The following DYNC2LI1 variants were observed in gnomAD, a reference collection of about 807,000 sequenced individuals.
The protein encoded by DYNC2LI1 is cytoplasmic dynein 2 light intermediate chain 1.
DYNC2LI1 carries 45 observed loss-of-function variants against 51.9 expected under a neutral mutation model. That is an observed-to-expected ratio of 0.87 (90% confidence interval 0.68 to 1.11). The LOEUF (loss-of-function observed/expected upper bound fraction) is 1.11. Among genes scored for constraint, DYNC2LI1 ranks in the 50% most tolerant of loss-of-function variants. The pLI, the probability that DYNC2LI1 is intolerant of heterozygous loss-of-function variation, is 0.00. For missense variants in DYNC2LI1, 490 were observed against 417.4 expected, an observed-to-expected ratio of 1.17 and a Z score of -1.51; for synonymous variants, 130 against 137.8, an observed-to-expected ratio of 0.94 and a Z score of 0.40.
At chr2:43,797,870 A>C (rs1342804672) in intron 8 of DYNC2LI1, among the ~76,000 whole-genome samples, 2 of 152,178 alleles carry the variant, frequency 1.3e-5, no homozygotes, top group Non-Finnish European at 2.9e-5. Context: ...TCACACCTGT[A>C]GTCCTAACAC....
At chr2:43,824,520 A>G in the DYNC2LI1 span, 12 of 1,596,460 alleles carry the variant, frequency 7.5e-6, no homozygotes, top group South Asian at 2.2e-5. Context: ...AGTACTGGCC[A>G]TAATACCTCA....
chr2:43,799,784 ATAAAAT>A (rs903150626), intron 8 of DYNC2LI1, among the ~76,000 whole-genome samples: 107 of 152,342 alleles, frequency 7.0e-4, no homozygotes, highest in African/African-American at 2.4e-3. Flanking sequence ...CATAAAGAAA[ATAAAAT>A]TAAACAGAGC....
chr2:43,804,062 T>C (rs1666158728), intron 10 of DYNC2LI1, among the ~76,000 whole-genome samples: 1 of 152,236 alleles, frequency 6.6e-6, no homozygotes, highest in African/African-American at 2.4e-5. Context: ...TCTATATCAT[T>C]TTGGAATTTC....
intron 6 of DYNC2LI1, chr2:43,794,926 T>C: frequency 1.5e-6 from 2 of 1,331,088 alleles, no homozygotes; most frequent in Non-Finnish European, 1.9e-6. Flanking sequence ...ATATTGATTT[T>C]ATAATCTCTG....
rs1204726614 is a variant in DYNC2LI1, at chr2:43,778,908, T to C, written c.126+2009T>C. On this transcript the variant is annotated intron_variant, in intron 2 of 12. Transcript: ENST00000260605. The stretch of plus-strand genomic sequence containing the variant: ...GTAATAAAAGTAATTTTGTTTCTGA[T>C]GATTTGGGAACTCCCTTGATATCTA... Among the ~76,000 whole-genome samples, 5 of 152,340 alleles carry C rather than the reference T, an allele frequency of 3.3e-5. No individual in the cohort carries two copies. In the East Asian group the frequency reaches 7.7e-4, roughly 24 times the overall value.
rs1297293189 is a variant in DYNC2LI1, at chr2:43,809,693, T to C, written c.994-12T>C. ...TTGATTTTTCTTAAAGTGATACATA[T>C]TTTTGTTTTAGGAACTGGAACAGTA... On this transcript the variant is annotated splice_polypyrimidine_tract_variant and intron_variant, in intron 12 of 12. Transcript: ENST00000260605. The C allele has an allele frequency of 1.1e-5, 17 of 1,595,822 alleles. No homozygotes were observed. Among genetic ancestry groups the C allele is most frequent in the Non-Finnish European group, 1.3e-5 (15 of 1,170,018 alleles).
chr2:43,788,800 T>G (rs1054574738), intron 4 of DYNC2LI1, among the ~76,000 whole-genome samples: 2 of 152,076 alleles, frequency 1.3e-5, no homozygotes, highest in African/African-American at 4.8e-5. Flanking sequence ...CTCAGCTAAT[T>G]TAAAAAAATT....
At chr2:43,778,877 T>A (rs1474861280) in intron 2 of DYNC2LI1, among the ~76,000 whole-genome samples, 1 of 152,230 alleles carries the variant, frequency 6.6e-6, no homozygotes, top group Non-Finnish European at 1.5e-5. Context: ...CTGTTTTTTG[T>A]TTTTAGTAAT....
the DYNC2LI1 span, chr2:43,822,469 C>CG: frequency 4.9e-6 from 4 of 815,088 alleles, no homozygotes; most frequent in Non-Finnish European, 5.7e-6. Flanking sequence ...GCTTTCTCCC[C>CG]TCCCCCAGGC....
chr2:43,809,089 A>G (rs1666384328), intron 12 of DYNC2LI1, among the ~76,000 whole-genome samples: 1 of 151,902 alleles, frequency 6.6e-6, no homozygotes, highest in South Asian at 2.1e-4. Context: ...CCCAGGTTCA[A>G]GCGATCCTCC....
At chr2:43,824,221 C>G in the DYNC2LI1 span, 3 of 1,614,226 alleles carry the variant, frequency 1.9e-6, no homozygotes, top group Non-Finnish European at 1.7e-6. Context: ...CCTCTTACCT[C>G]AGGAGAACAC....
intron 8 of DYNC2LI1, among the ~76,000 whole-genome samples, chr2:43,797,714 T>G (rs1665930140): frequency 6.6e-6 from 1 of 151,918 alleles, no homozygotes; most frequent in South Asian, 2.1e-4. Flanking sequence ...GAGATGGGGT[T>G]TCACTATGTT....
intron 2 of DYNC2LI1, among the ~76,000 whole-genome samples, chr2:43,779,613 C>A (rs1169225667): frequency 4.6e-5 from 7 of 152,096 alleles, no homozygotes; most frequent in Admixed American, 4.6e-4. Flanking sequence ...CTTAACTCAC[C>A]CCAGAAAGTT....
chr2:43,828,280 T>A, the DYNC2LI1 span: 1 of 916,582 alleles, frequency 1.1e-6, no homozygotes, highest in Admixed American at 2.1e-5. Context: ...AATAATATGA[T>A]CCAATTCGGC....
intron 5 of DYNC2LI1, among the ~76,000 whole-genome samples, chr2:43,792,115 C>T (rs1259173758): frequency 6.6e-6 from 1 of 151,884 alleles, no homozygotes; most frequent in Non-Finnish European, 1.5e-5. Context: ...GAAATTAGTA[C>T]AATTAAAAAT....
At chr2:43,826,967 G>T in the DYNC2LI1 span, among the ~76,000 whole-genome samples, 3 of 152,226 alleles carry the variant, frequency 2.0e-5, no homozygotes, top group Non-Finnish European at 4.4e-5. Context: ...AATAAAACAA[G>T]GCCTGAAGTG....
chr2:43,804,858 T>A, intron 11 of DYNC2LI1, 119 bp downstream of exon 11: 1 of 617,516 alleles, frequency 1.6e-6, no homozygotes. Flanking sequence ...CAAAAATCAA[T>A]TAAACATTTG....
At chr2:43,794,192 C>T (rs1231196155) in intron 5 of DYNC2LI1, 1 of 318,064 alleles carries the variant, frequency 3.1e-6, no homozygotes, top group Non-Finnish European at 5.8e-6. Flanking sequence ...TGGAGCTTCT[C>T]TATTTGAACT....
chr2:43,814,815 A>C (rs78944447), downstream of DYNC2LI1, among the ~76,000 whole-genome samples: 1 of 152,196 alleles, frequency 6.6e-6, no homozygotes, highest in Non-Finnish European at 1.5e-5. Flanking sequence ...TATATATAAC[A>C]TGTGTGTTTA....
Sources: allele counts gnomAD v4.1 joint callset (sites outside exome capture counted in the v4.1 genomes callset), GRCh38; gene constraint gnomAD v4.1.1; transcripts MANE v1.5; gene names NCBI Gene and HGNC (gene_info 2026-07-23, HGNC 2026-07-21).